Variants in L3MBTL4 observed in about 807,000 individuals in gnomAD.
L3MBTL4 encodes lethal(3)malignant brain tumor-like protein 4.
A neutral mutation model predicts 84.5 loss-of-function variants in L3MBTL4; 70 were observed. The observed-to-expected ratio is 0.83, with a 90% CI of 0.68 to 1.01. The LOEUF (loss-of-function observed/expected upper bound fraction) is 1.01. Ranked by LOEUF, L3MBTL4 falls within the 50% of genes least tolerant of loss-of-function variation. The pLI is 0.00. For missense variants in L3MBTL4, 715 were observed against 754.8 expected, an observed-to-expected ratio of 0.95 and a Z score of 0.62; for synonymous variants, 274 against 259.8, an observed-to-expected ratio of 1.05 and a Z score of -0.52.
chr18:6,037,916 G>A (rs1409297916), intron 16 of L3MBTL4, among the ~76,000 whole-genome samples: 1 of 152,186 alleles, frequency 6.6e-6, no homozygotes. Context: ...ATAAAAGGAG[G>A]AGTAGGCTCC....
chr18:6,131,758 C>T (rs2059884134), intron 14 of L3MBTL4, among the ~76,000 whole-genome samples: 1 of 152,108 alleles, frequency 6.6e-6, no homozygotes, highest in African/African-American at 2.4e-5. Context: ...TGCGCAAGTG[C>T]ATGTATATAA....
At chr18:6,116,386 A>C (rs1598802096) in intron 14 of L3MBTL4, among the ~76,000 whole-genome samples, 1 of 121,930 alleles carries the variant, frequency 8.2e-6, no homozygotes, top group Non-Finnish European at 1.7e-5. Flanking sequence ...TTTGAGATGG[A>C]GTCTTACTCT....
chr18:6,146,412 A>G (rs2042653459), intron 13 of L3MBTL4, among the ~76,000 whole-genome samples: 1 of 152,152 alleles, frequency 6.6e-6, no homozygotes, highest in African/African-American at 2.4e-5. Context: ...AGAGTGAGCG[A>G]GGCGGCTGAG....
chr18:6,076,270 T>C (rs556188936), intron 16 of L3MBTL4, among the ~76,000 whole-genome samples: 1 of 152,286 alleles, frequency 6.6e-6, no homozygotes, highest in African/African-American at 2.4e-5. Context: ...CAAAACTGAA[T>C]AATATGTAGC....
chr18:6,109,709 C>A (rs545381371), intron 14 of L3MBTL4, among the ~76,000 whole-genome samples: 1 of 152,250 alleles, frequency 6.6e-6, no homozygotes, highest in Non-Finnish European at 1.5e-5. Context: ...TGCCCGTGCA[C>A]CCCAGAAGAT....
intron 5 of L3MBTL4, among the ~76,000 whole-genome samples, chr18:6,262,239 G>A (rs188328998): frequency 3.9e-5 from 6 of 152,180 alleles, no homozygotes; most frequent in East Asian, 1.9e-4. Flanking sequence ...AAGGCGCAGC[G>A]GGGAAAGGGC....
chr18:6,168,069 A>T (rs1332429798), intron 13 of L3MBTL4, among the ~76,000 whole-genome samples: 1 of 152,214 alleles, frequency 6.6e-6, no homozygotes, highest in East Asian at 1.9e-4. Flanking sequence ...GTGAACTCCC[A>T]TTCACAATTG....
At chr18:6,315,648 C>T (rs1251756921) in intron 1 of L3MBTL4, among the ~76,000 whole-genome samples, 1 of 152,170 alleles carries the variant, frequency 6.6e-6, no homozygotes, top group African/African-American at 2.4e-5. Context: ...GCTTTTTTAA[C>T]TATATTGCAA....
At chr18:6,120,251 G>A (rs2144296262) in intron 14 of L3MBTL4, among the ~76,000 whole-genome samples, 1 of 152,282 alleles carries the variant, frequency 6.6e-6, no homozygotes, top group Middle Eastern at 3.4e-3. Context: ...TGGTCTACAA[G>A]CCCAGGGGCC....
At chr18:6,007,704 G>A (rs1383993776) in intron 16 of L3MBTL4, among the ~76,000 whole-genome samples, 3 of 152,276 alleles carry the variant, frequency 2.0e-5, no homozygotes, top group East Asian at 1.9e-4. Context: ...ATACCCAAAC[G>A]TCCACAGTGG....
chr18:6,239,854 C>A lies in L3MBTL4; in HGVS notation c.571G>T (p.Glu191Ter). The change falls in exon 9 of 19, where the codon GAA (glutamate) becomes TAA (stop). Residue 191 changes from glutamate (E) to a stop codon, truncating the protein, a stop_gained. Coordinates refer to ENST00000317931, the MANE Select transcript of L3MBTL4 (RefSeq NM_001330559.2). LOFTEE classifies it high-confidence loss of function. Reference sequence around the variant, plus strand: ...TCCAGCTTCATTCCAACCTGAAATTCTTTAGACATTGGCCCATTCTAACGC... The same window carrying A: ...TCCAGCTTCATTCCAACCTGAAATTATTTAGACATTGGCCCATTCTAACGC... The part of the protein sequence containing the change: ...NRSPNGPMSK[E>*]FQVGMKLEAV... 1 of 1,614,152 alleles carries A rather than the reference C, an allele frequency of 6.2e-7. No individual in the cohort carries two copies. The highest frequency in any genetic ancestry group is 8.5e-7 in the Non-Finnish European group (1 of 1,180,028).
intron 4 of L3MBTL4, among the ~76,000 whole-genome samples, chr18:6,274,680 T>A (rs868381572): frequency 2.6e-5 from 4 of 152,294 alleles, no homozygotes; most frequent in South Asian, 2.1e-4. Flanking sequence ...TTGATTTTTT[T>A]AAAAAAGATA....
intron 16 of L3MBTL4, among the ~76,000 whole-genome samples, chr18:5,976,196 T>A (rs1343263235): frequency 6.6e-6 from 1 of 152,222 alleles, no homozygotes; most frequent in Non-Finnish European, 1.5e-5. Context: ...TGGATTTTGA[T>A]CACTTAGTAG....
intron 1 of L3MBTL4, among the ~76,000 whole-genome samples, chr18:6,362,501 G>A (rs1203487339): frequency 1.3e-5 from 2 of 152,118 alleles, no homozygotes; most frequent in Non-Finnish European, 2.9e-5. Context: ...GGGTCTAGTG[G>A]AGGATGGCTA....
intron 1 of L3MBTL4, among the ~76,000 whole-genome samples, chr18:6,375,931 C>T (rs1182407050): frequency 6.6e-6 from 1 of 152,182 alleles, no homozygotes; most frequent in Non-Finnish European, 1.5e-5. Flanking sequence ...ACGCTAAAAA[C>T]ATGAGGTGTC....
chr18:6,089,557 C>G (rs1450247163), intron 15 of L3MBTL4, among the ~76,000 whole-genome samples: 2 of 152,160 alleles, frequency 1.3e-5, no homozygotes, highest in East Asian at 3.8e-4. Flanking sequence ...CATTCTTTCA[C>G]TAGTCTAACG....
Position 6,272,448 on chromosome 18 carries a change from G to C in L3MBTL4, c.128-8410C>G, listed in dbSNP as rs1000369875. Among the ~76,000 whole-genome samples, 9 of 134,668 alleles carry C rather than the reference G, an allele frequency of 6.7e-5. No homozygotes were observed. The East Asian group carries it at 1.3e-3, about 20-fold the overall frequency. The allele number at this position is 134,668 out of a possible 152,430, so 88.3% of individuals were successfully genotyped here. On this transcript the variant is annotated intron_variant, in intron 4 of 18. Coordinates refer to ENST00000317931, the MANE Select transcript of L3MBTL4 (RefSeq NM_001330559.2). The stretch of plus-strand genomic sequence containing the variant: ...GACTGAATATAAGGAACACAGAACA[G>C]TTCTGACAGCCCCACTGCATTAAAC...
chr18:6,279,929 G>T (rs2049254101), intron 4 of L3MBTL4, among the ~76,000 whole-genome samples: 1 of 152,196 alleles, frequency 6.6e-6, no homozygotes, highest in Non-Finnish European at 1.5e-5. Context: ...GACTCTGTGA[G>T]TCAGAATTTA....
chr18:5,992,019 CATCCATCCATCT>C (rs1031207401), intron 16 of L3MBTL4, among the ~76,000 whole-genome samples: 1 of 152,102 alleles, frequency 6.6e-6, no homozygotes, highest in South Asian at 2.1e-4. Flanking sequence ...TCCATCCATC[CATCCATCCATCT>C]ATCCAACATT....
Sources: allele counts gnomAD v4.1 joint callset (sites outside exome capture counted in the v4.1 genomes callset), GRCh38; gene constraint gnomAD v4.1.1; transcripts MANE v1.5; gene names NCBI Gene and HGNC (gene_info 2026-07-23, HGNC 2026-07-21).